Variants in TNRC6A observed in about 807,000 individuals in gnomAD.
The protein encoded by TNRC6A is trinucleotide repeat containing adaptor 6A.
Under a neutral mutation model 221.2 loss-of-function variants are expected in TNRC6A, and 44 were observed. The ratio of observed to expected loss-of-function variants is 0.20; its 90% confidence interval spans 0.16 to 0.26. TNRC6A has a LOEUF of 0.26. Ranked by LOEUF, TNRC6A falls within the 10% of genes least tolerant of loss-of-function variation. The probability of loss-of-function intolerance (pLI) is 1.00; values close to 1 mark genes in which losing one functional copy is unlikely to be tolerated. For missense variants in TNRC6A, 2,199 were observed against 2,404.4 expected (o/e 0.91, Z 1.79); for synonymous variants, 847 against 838.5 (o/e 1.01, Z -0.18).
intron 2 of TNRC6A, among the ~76,000 whole-genome samples, chr16:24,705,919 G>T (rs2056085095): frequency 6.6e-6 from 1 of 152,126 alleles, no homozygotes; most frequent in African/African-American, 2.4e-5. Context: ...ATGACTATTT[G>T]CAGGTAATAT....
At chr16:24,750,898 A>G (rs2057122852) in intron 3 of TNRC6A, 85 bp downstream of exon 3, 1 of 1,211,994 alleles carries the variant, frequency 8.3e-7, no homozygotes, top group Non-Finnish European at 1.1e-6. Context: ...GAAGGCATTT[A>G]TTTGATTTAA....
At chr16:24,659,040 C>T (rs2054974683) in intron 2 of TNRC6A, among the ~76,000 whole-genome samples, 1 of 151,950 alleles carries the variant, frequency 6.6e-6, no homozygotes, top group Non-Finnish European at 1.5e-5. Flanking sequence ...AACTCCTGAG[C>T]TCAAGCAATC....
At chr16:24,797,254 T>A (rs1239543023) in intron 9 of TNRC6A, among the ~76,000 whole-genome samples, 1 of 152,196 alleles carries the variant, frequency 6.6e-6, no homozygotes, top group East Asian at 1.9e-4. Flanking sequence ...TTCTGACTGC[T>A]TGCCTTTAGA....
At chr16:24,800,716 A>G (rs1443034770) in intron 11 of TNRC6A, among the ~76,000 whole-genome samples, 1 of 152,140 alleles carries the variant, frequency 6.6e-6, no homozygotes, top group Non-Finnish European at 1.5e-5. Context: ...ATTCATGGAG[A>G]GGTATCTCAC....
intron 3 of TNRC6A, among the ~76,000 whole-genome samples, chr16:24,757,747 G>A (rs2057283162): frequency 6.6e-6 from 1 of 152,198 alleles, no homozygotes; most frequent in South Asian, 2.1e-4. Flanking sequence ...TTAACAGATT[G>A]TCAGATGTGT....
At chr16:24,621,606 C>A (rs1731982864) in intron 1 of TNRC6A, among the ~76,000 whole-genome samples, 2 of 152,076 alleles carry the variant, frequency 1.3e-5, no homozygotes, top group African/African-American at 2.4e-5. Context: ...GATCCACCCA[C>A]CTTGGCCTCC....
intron 1 of TNRC6A, among the ~76,000 whole-genome samples, chr16:24,625,737 CAAAAAAAAAAAAA>C (rs749882396): frequency 2.1e-4 from 5 of 24,052 alleles, no homozygotes; most frequent in Admixed American, 5.3e-4. Flanking sequence ...CGTCTCAAAA[CAAAAAAAAAAAAA>C]AAAAAAAAAA....
In TNRC6A at chr16:24,823,783, G is replaced by T. The variant is rs751762729; in HGVS notation, c.5865G>T (p.Leu1955=). Residue 1955 remains leucine, a synonymous_variant, in exon 25 of 25, where the codon CTG becomes CTT. Coordinates refer to ENST00000395799, the MANE Select transcript of TNRC6A (RefSeq NM_014494.4). The surrounding 1 kb of genome is among the most constrained non-coding windows in gnomAD (Gnocchi z 4.3). ...PINAFLSVDH[L]GGGGESM is the part of the protein sequence containing the mutation. ...ACGCTTTTCTTTCTGTTGACCACCT[G>T]GGTGGGGGTGGAGAGTCCATGTAAC... 1.4e-6 allele frequency: 2 copies of T among 1,478,336 alleles called. No homozygotes were observed. The highest frequency in any genetic ancestry group is 1.5e-5 in the South Asian group (1 of 67,970). The allele number at this position is 1,478,336 out of a possible 1,614,324, so 91.6% of individuals were successfully genotyped here. A position where few individuals can be genotyped will look rare whatever the true frequency, so the allele number is the denominator to read the frequency against.
chr16:24,701,664 C>A (rs562843842), intron 2 of TNRC6A, among the ~76,000 whole-genome samples: 1 of 152,310 alleles, frequency 6.6e-6, no homozygotes, highest in Admixed American at 6.5e-5. Context: ...CAGTGCCCAG[C>A]CACTTACTAA....
At position 24,684,730 on chromosome 16, in the gene TNRC6A, CAA is replaced by C. The variant is rs546612617; in HGVS notation, n.402+43722_402+43723del. Among the ~76,000 whole-genome samples, 341 of 152,056 alleles carry C rather than the reference CAA, an allele frequency of 2.2e-3. 1 individual carries two copies. The highest frequency in any genetic ancestry group is 6.8e-3 in the Middle Eastern group (2 of 292). Reference sequence around the variant, plus strand: ...CTGAGGTGGGAGGATAACCAGAGCCCAAGAGTTCGAGGTTACCGTGAGCTGTG... The same window carrying C: ...CTGAGGTGGGAGGATAACCAGAGCCCGAGTTCGAGGTTACCGTGAGCTGTG... On this transcript the variant is annotated intron_variant and non_coding_transcript_variant, in intron 2 of 2. Coordinates refer to the TNRC6A transcript ENST00000566108.
intron 2 of TNRC6A, among the ~76,000 whole-genome samples, chr16:24,650,430 G>A (rs573168677): frequency 2.6e-4 from 40 of 151,996 alleles, no homozygotes; most frequent in African/African-American, 7.7e-4. Flanking sequence ...TTTGGGAGGC[G>A]GAGGCGGGTG....
intron 3 of TNRC6A, among the ~76,000 whole-genome samples, chr16:24,754,130 A>G (rs941958211): frequency 2.0e-5 from 3 of 152,194 alleles, no homozygotes; most frequent in African/African-American, 7.2e-5. Context: ...AAATGCATAC[A>G]TTTAATGGTC....
intron 1 of TNRC6A, among the ~76,000 whole-genome samples, chr16:24,633,265 C>G (rs111463807): frequency 1.7e-3 from 257 of 152,324 alleles, no homozygotes; most frequent in African/African-American, 5.7e-3. Flanking sequence ...AGTATTATCT[C>G]TTCAGAGAGG....
At chr16:24,811,837 A>G (rs1596804315) in intron 18 of TNRC6A, among the ~76,000 whole-genome samples, 1 of 151,632 alleles carries the variant, frequency 6.6e-6, no homozygotes, top group Non-Finnish European at 1.5e-5. Context: ...TTTTTTTTCT[A>G]TTGAATTTTA....
Position 24,817,106 on chromosome 16 carries a change from T to C in TNRC6A, c.4972+150T>C, listed in dbSNP as rs1023090768. The C allele has an allele frequency of 3.0e-5, 20 of 667,126 alleles. No homozygotes were observed. The East Asian group carries it at 4.7e-4, about 16-fold the overall frequency. 41.3% of individuals were successfully genotyped at this position (667,126 alleles called of 1,614,324 possible). On this transcript the variant is annotated intron_variant, in intron 20 of 24. Transcript: ENST00000395799. ...CTTGAGGCAAGCCTGGGCAACATAG[T>C]TGTGGGACCCTGTCTCTTTAAAAAA...
intron 5 of TNRC6A, among the ~76,000 whole-genome samples, chr16:24,784,638 C>T (rs11074653): frequency 0.26 from 38,884 of 152,072 alleles, 5,129 homozygotes; most frequent in Middle Eastern, 0.32. Context: ...TTTTCCTAAA[C>T]TACAACCTTT....
At chr16:24,820,078 T>A in intron 21 of TNRC6A, 61 bp from the exon 22 acceptor site, 1 of 1,480,578 alleles carries the variant, frequency 6.8e-7, no homozygotes. Context: ...TGTCATTATT[T>A]AAATTTCCTC....
At chr16:24,751,116 A>T (rs879774545) in intron 3 of TNRC6A, among the ~76,000 whole-genome samples, 9 of 152,106 alleles carry the variant, frequency 5.9e-5, no homozygotes, top group Non-Finnish European at 1.2e-4. Context: ...AGAGCATGGA[A>T]TTTGCAGCCA....
intron 1 of TNRC6A, among the ~76,000 whole-genome samples, chr16:24,631,279 G>C (rs759550553): frequency 7.2e-5 from 11 of 151,974 alleles, no homozygotes; most frequent in Non-Finnish European, 1.5e-4. Context: ...CCTGTATGGT[G>C]AAGGCCACAG....
Sources: gnomAD v4.1 joint callset for allele counts (sites outside exome capture counted in the v4.1 genomes callset) on GRCh38, gnomAD v4.1.1 for gene constraint, Gnocchi (gnomAD v3.1) non-coding constraint, MANE v1.5 for transcripts, NCBI Gene and HGNC (gene_info 2026-07-23, HGNC 2026-07-21) for gene names.